WDR7: variants seen among roughly 807,000 people sequenced by gnomAD.
WDR7 encodes the protein WD repeat domain 7.
In WDR7, 46 loss-of-function variants were observed where a neutral mutation model predicts 169.4. The ratio of observed to expected loss-of-function variants is 0.27; its 90% CI spans 0.21 to 0.35. The LOEUF is 0.35. Among genes scored for constraint, WDR7 ranks in the 10% least tolerant of loss-of-function variants. The pLI is 1.00. For missense variants in WDR7, 1,534 were observed against 1,859.3 expected, an observed-to-expected ratio of 0.83 and a Z score of 3.22; for synonymous variants, 612 against 666.8, an observed-to-expected ratio of 0.92 and a Z score of 1.27.
intron 16 of WDR7, among the ~76,000 whole-genome samples, chr18:56,776,505 T>C (rs943183316): frequency 1.3e-5 from 2 of 152,188 alleles, no homozygotes; most frequent in Non-Finnish European, 2.9e-5. Context: ...CTAGTTGTTT[T>C]AGAGCTATGT....
intron 21 of WDR7, among the ~76,000 whole-genome samples, chr18:56,902,316 T>C (rs1053126962): frequency 6.6e-6 from 1 of 152,222 alleles, no homozygotes; most frequent in Non-Finnish European, 1.5e-5. Context: ...AGCCTATCTT[T>C]TGTCAATCAA....
chr18:56,975,208 C>A (rs1315929343), intron 26 of WDR7, among the ~76,000 whole-genome samples: 3 of 151,756 alleles, frequency 2.0e-5, no homozygotes, highest in Non-Finnish European at 4.4e-5. Flanking sequence ...TGCACTCCAG[C>A]CTAGGCGACA....
intron 16 of WDR7, among the ~76,000 whole-genome samples, chr18:56,772,268 A>T (rs1372560449): frequency 6.6e-6 from 1 of 152,120 alleles, no homozygotes; most frequent in Non-Finnish European, 1.5e-5. Context: ...GAAGTAAACC[A>T]AGGAAAAATA....
chr18:56,782,774 T>C (rs1292512916), intron 19 of WDR7, among the ~76,000 whole-genome samples: 1 of 152,192 alleles, frequency 6.6e-6, no homozygotes, highest in Non-Finnish European at 1.5e-5. Flanking sequence ...GTTTAAACTC[T>C]ACCAGATCTT....
rs577822035 is a variant in WDR7 at position 56,825,398 on chromosome 18, C to G, written c.3304+9254C>G. Among the ~76,000 whole-genome samples the G allele has an allele frequency of 1.2e-4, 18 of 152,294 alleles. 1 individual carries two copies. The South Asian group carries it at 3.5e-3, about 30-fold the overall frequency. ...AGTAATAACTATCTCAATGACTTAG[C>G]AGCATTTATTGAGTACTTAATATGT... On this transcript the variant is annotated intron_variant, in intron 20 of 27. Coordinates refer to ENST00000254442, the MANE Select transcript of WDR7 (RefSeq NM_015285.3).
intron 26 of WDR7, among the ~76,000 whole-genome samples, chr18:56,991,181 C>T (rs1568303023): frequency 7.3e-6 from 1 of 136,374 alleles, no homozygotes; most frequent in Non-Finnish European, 1.5e-5. Flanking sequence ...GAGTCTCGCT[C>T]TGTCGCCCAG....
At chr18:56,737,050 T>TA (rs1373059930) in intron 14 of WDR7, among the ~76,000 whole-genome samples, 1 of 152,200 alleles carries the variant, frequency 6.6e-6, no homozygotes, top group Non-Finnish European at 1.5e-5. Flanking sequence ...TGATTTCTGT[T>TA]AAAAGGAAGG....
At chr18:56,879,098 C>T (rs2046069028) in intron 20 of WDR7, among the ~76,000 whole-genome samples, 1 of 152,164 alleles carries the variant, frequency 6.6e-6, no homozygotes. Flanking sequence ...GCATCCATGT[C>T]TTTGTGTGTA....
chr18:56,901,009 T>C (rs1270184282), intron 21 of WDR7, among the ~76,000 whole-genome samples: 1 of 152,238 alleles, frequency 6.6e-6, no homozygotes, highest in Non-Finnish European at 1.5e-5. Context: ...TGCTAACTGT[T>C]CTAGAAGGAA....
chr18:56,882,190 A>G (rs2046118388), intron 21 of WDR7, among the ~76,000 whole-genome samples: 1 of 152,220 alleles, frequency 6.6e-6, no homozygotes, highest in Non-Finnish European at 1.5e-5. Context: ...CACCATTTCT[A>G]CAAAGGGCTC....
intron 12 of WDR7, among the ~76,000 whole-genome samples, chr18:56,699,424 G>T (rs1450064964): frequency 6.6e-6 from 1 of 152,102 alleles, no homozygotes; most frequent in Non-Finnish European, 1.5e-5. Context: ...TTTTGATTGG[G>T]CAATAGTAGT....
At chr18:56,754,335 G>A (rs1168796154) in intron 14 of WDR7, among the ~76,000 whole-genome samples, 4 of 136,976 alleles carry the variant, frequency 2.9e-5, no homozygotes, top group Non-Finnish European at 4.5e-5. Context: ...GTATATATAC[G>A]TATATATGTG....
intron 19 of WDR7, 103 bp downstream of exon 19, chr18:56,781,759 A>G (rs1346394919): frequency 1.1e-5 from 13 of 1,207,692 alleles, no homozygotes; most frequent in Non-Finnish European, 1.4e-5. Context: ...AAAATGAGTC[A>G]CTGACCTTAA....
At chr18:56,884,099 A>G (rs1475601085) in intron 21 of WDR7, among the ~76,000 whole-genome samples, 2 of 152,020 alleles carry the variant, frequency 1.3e-5, no homozygotes, top group Non-Finnish European at 2.9e-5. Context: ...ACTGTTTTGC[A>G]TAGTGGTTGT....
At chr18:56,679,730 T>G (rs1430351353) in intron 3 of WDR7, among the ~76,000 whole-genome samples, 1 of 152,170 alleles carries the variant, frequency 6.6e-6, no homozygotes, top group African/African-American at 2.4e-5. Context: ...CTCCATGTTG[T>G]TTTTATTGAG....
At position 56,943,223 on chromosome 18, in the gene WDR7, T is replaced by C. The variant is rs559106796; in HGVS notation, c.4064+3830T>C. ...TTCTACTAGGTGCCTTACAGCACTTTTGAGTCTTCTATGTACAAAATGCCT... is the reference window on the plus strand; with the variant it reads ...TTCTACTAGGTGCCTTACAGCACTTCTGAGTCTTCTATGTACAAAATGCCT... On this transcript the variant is annotated intron_variant, in intron 25 of 27. Coordinates refer to ENST00000254442, the MANE Select transcript of WDR7 (RefSeq NM_015285.3). Among the ~76,000 whole-genome samples the C allele has an allele frequency of 2.0e-5, 3 of 152,246 alleles. No homozygotes were observed. In the South Asian group the frequency reaches 6.2e-4, roughly 32 times the overall value.
chr18:56,790,040 CATTATTCT>C (rs1568195927), intron 19 of WDR7, among the ~76,000 whole-genome samples: 1 of 152,062 alleles, frequency 6.6e-6, no homozygotes, highest in Non-Finnish European at 1.5e-5. Context: ...TGATTTGTGC[CATTATTCT>C]GTAGCTGATT....
At chr18:56,666,306 C>T (rs965249175) in intron 1 of WDR7, among the ~76,000 whole-genome samples, 1 of 147,714 alleles carries the variant, frequency 6.8e-6, no homozygotes, top group Non-Finnish European at 1.5e-5. Flanking sequence ...CGGGTTCAAG[C>T]GATTCTCCTG....
At chr18:56,927,813 T>G (rs1022619001) in intron 22 of WDR7, among the ~76,000 whole-genome samples, 1 of 152,192 alleles carries the variant, frequency 6.6e-6, no homozygotes, top group African/African-American at 2.4e-5. Flanking sequence ...TTCTCTGTAG[T>G]TGCAAATTTG....
Sources: allele counts gnomAD v4.1 joint callset (sites outside exome capture counted in the v4.1 genomes callset), GRCh38; gene constraint gnomAD v4.1.1; transcripts MANE v1.5; gene names NCBI Gene and HGNC (gene_info 2026-07-23, HGNC 2026-07-21).